SCFD2: variants seen among roughly 807,000 people sequenced by gnomAD.
SCFD2 encodes the protein sec1 family domain containing 2, also known as sec1 family domain-containing protein 2.
SCFD2 carries 54 observed loss-of-function variants against 58.9 expected under a neutral mutation model. The ratio of observed to expected loss-of-function variants is 0.92; its 90% CI spans 0.74 to 1.15. The LOEUF (loss-of-function observed/expected upper bound fraction) is 1.15. Among genes scored for constraint, SCFD2 ranks in the 50% most tolerant of loss-of-function variants. The probability of loss-of-function intolerance (pLI) is 0.00; values close to 1 mark genes in which losing one functional copy is unlikely to be tolerated. For synonymous variants in SCFD2, 321 were observed against 335.9 expected (o/e 0.96, Z 0.49); for missense variants, 805 against 836.6 (o/e 0.96, Z 0.47).
rs183206597 is a variant in SCFD2 at position 53,276,895 on chromosome 4, T to C, written c.1136-2894A>G. 2.3e-3 allele frequency among the ~76,000 whole-genome samples: 354 copies of C among 152,364 alleles called. 1 individual carries two copies. Among genetic ancestry groups the C allele is most frequent in the Non-Finnish European group, 3.1e-3 (208 of 68,034 alleles). On this transcript the variant is annotated intron_variant, in intron 3 of 8. Coordinates refer to ENST00000401642, the MANE Select transcript of SCFD2 (RefSeq NM_152540.4). Reference sequence around the variant, plus strand: ...TGTGTAGCAGTATCTCATTGTGGTTTAAAATTTCATTTTCCTAATGACTAA... The same window carrying C: ...TGTGTAGCAGTATCTCATTGTGGTTCAAAATTTCATTTTCCTAATGACTAA...
At chr4:53,154,539 A>G (rs994880944) in intron 4 of SCFD2, among the ~76,000 whole-genome samples, 5 of 152,360 alleles carry the variant, frequency 3.3e-5, no homozygotes, top group African/African-American at 1.2e-4. Flanking sequence ...TCACATTTCA[A>G]CATGAGATTT....
intron 5 of SCFD2, among the ~76,000 whole-genome samples, chr4:53,091,944 A>G (rs539321389): frequency 2.6e-5 from 4 of 152,296 alleles, no homozygotes; most frequent in East Asian, 1.9e-4. Context: ...TTCAATTACT[A>G]AACACTTAAA....
rs141665988 is a variant in SCFD2, at chr4:53,100,275, C to T, written c.1561+45058G>A. Among the ~76,000 whole-genome samples, 655 of 152,224 alleles carry T rather than the reference C, an allele frequency of 4.3e-3. 4 individuals carry two copies. The highest frequency in any genetic ancestry group is 0.015 in the African/African-American group (624 of 41,522). On this transcript the variant is annotated intron_variant, in intron 5 of 8. Transcript: ENST00000401642. ...GTTCAATGTAGGATAATAATAGCAA[C>T]TACTTACTAGGGCTTCTAAGAAGAA...
chr4:52,933,334 C>T (rs1163383215), intron 5 of SCFD2, among the ~76,000 whole-genome samples: 1 of 152,166 alleles, frequency 6.6e-6, no homozygotes, highest in African/African-American at 2.4e-5. Flanking sequence ...CATGGAGATG[C>T]TCACTCATTT....
intron 3 of SCFD2, among the ~76,000 whole-genome samples, chr4:53,299,252 G>A (rs1023365692): frequency 6.6e-6 from 1 of 152,176 alleles, no homozygotes; most frequent in African/African-American, 2.4e-5. Context: ...GTCCTTAAAG[G>A]ACCTGATGGA....
At chr4:53,120,131 A>G (rs1165655052) in intron 5 of SCFD2, among the ~76,000 whole-genome samples, 1 of 152,210 alleles carries the variant, frequency 6.6e-6, no homozygotes, top group African/African-American at 2.4e-5. Flanking sequence ...TAATAAACGC[A>G]TTTGACGAAA....
At chr4:53,181,930 G>A (rs1462143957) in intron 4 of SCFD2, among the ~76,000 whole-genome samples, 4 of 152,114 alleles carry the variant, frequency 2.6e-5, no homozygotes, top group African/African-American at 7.2e-5. Flanking sequence ...AAATACCTAG[G>A]AATCCAACTT....
intron 5 of SCFD2, among the ~76,000 whole-genome samples, chr4:52,981,820 C>T (rs1721380690): frequency 6.6e-6 from 1 of 152,104 alleles, no homozygotes; most frequent in African/African-American, 2.4e-5. Context: ...AAGGATGTCA[C>T]ACAGGGAAAT....
chr4:52,892,811 A>G (rs970377955), intron 7 of SCFD2, among the ~76,000 whole-genome samples: 3 of 152,110 alleles, frequency 2.0e-5, no homozygotes, highest in South Asian at 2.1e-4. Flanking sequence ...GTTTGTCTCT[A>G]TATCTTCCTT....
intron 3 of SCFD2, among the ~76,000 whole-genome samples, chr4:53,296,591 C>T (rs112193239): frequency 5.3e-5 from 8 of 152,090 alleles, no homozygotes; most frequent in African/African-American, 1.7e-4. Context: ...AAAACCAGCT[C>T]CTGGATTCAC....
chr4:53,182,590 T>C (rs890397310), intron 4 of SCFD2, among the ~76,000 whole-genome samples: 1 of 152,148 alleles, frequency 6.6e-6, no homozygotes, highest in Non-Finnish European at 1.5e-5. Flanking sequence ...GACATAGGCA[T>C]GGGCAAGGAC....
At chr4:53,316,043 T>G (rs1732852344) in intron 2 of SCFD2, among the ~76,000 whole-genome samples, 1 of 152,100 alleles carries the variant, frequency 6.6e-6, no homozygotes, top group South Asian at 2.1e-4. Context: ...AATCTCTCTC[T>G]CCCTCCAGGT....
intron 5 of SCFD2, chr4:52,956,025 T>C (rs1720703812): frequency 2.2e-6 from 1 of 456,438 alleles, no homozygotes. Flanking sequence ...ACTGTGGGAC[T>C]TCAGATTTGT....
At chr4:53,218,776 T>C (rs915727244) in intron 4 of SCFD2, among the ~76,000 whole-genome samples, 1 of 152,220 alleles carries the variant, frequency 6.6e-6, no homozygotes, top group African/African-American at 2.4e-5. Flanking sequence ...TGTGGTTTTA[T>C]CTACCTTTGC....
At chr4:52,997,388 T>C (rs1721764424) in intron 5 of SCFD2, among the ~76,000 whole-genome samples, 1 of 152,184 alleles carries the variant, frequency 6.6e-6, no homozygotes. Flanking sequence ...ACTGGAACTT[T>C]CCGTGGCAGG....
At chr4:53,109,796 A>C (rs1725116810) in intron 5 of SCFD2, among the ~76,000 whole-genome samples, 1 of 152,218 alleles carries the variant, frequency 6.6e-6, no homozygotes, top group Non-Finnish European at 1.5e-5. Context: ...CATATTGTCC[A>C]AAGTAATTTA....
intron 5 of SCFD2, among the ~76,000 whole-genome samples, chr4:53,057,517 CAG>C (rs1723378223): frequency 6.6e-6 from 1 of 151,862 alleles, no homozygotes; most frequent in South Asian, 2.1e-4. Context: ...CACATGGACA[CAG>C]AGAGGGGAAC....
At chr4:53,045,987 T>TA (rs1265090146) in intron 5 of SCFD2, among the ~76,000 whole-genome samples, 1 of 152,152 alleles carries the variant, frequency 6.6e-6, no homozygotes, top group African/African-American at 2.4e-5. Context: ...CATCCCATCT[T>TA]AAAGATGGGG....
intron 5 of SCFD2, among the ~76,000 whole-genome samples, chr4:52,977,533 G>T (rs1400471458): frequency 6.6e-6 from 1 of 151,992 alleles, no homozygotes; most frequent in Non-Finnish European, 1.5e-5. Context: ...CAGACTATAG[G>T]CCAGAAGAAA....
Sources: allele counts gnomAD v4.1 joint callset (sites outside exome capture counted in the v4.1 genomes callset), GRCh38; gene constraint gnomAD v4.1.1; transcripts MANE v1.5; gene names NCBI Gene and HGNC (gene_info 2026-07-23, HGNC 2026-07-21).